The following GRM3 variants were observed in gnomAD, a reference collection of about 807,000 sequenced individuals.
GRM3 encodes glutamate metabotropic receptor 3.
GRM3 carries 26 observed loss-of-function variants against 70.5 expected under a neutral mutation model. That is an observed-to-expected ratio of 0.37 (90% CI 0.27 to 0.51). GRM3 has a LOEUF of 0.51. Ranked by LOEUF, GRM3 falls within the 20% of genes least tolerant of loss-of-function variation. GRM3 has a pLI of 0.93. For synonymous variants in GRM3, 443 were observed against 434.9 expected, an observed-to-expected ratio of 1.02 and a Z score of -0.23; for missense variants, 859 against 1,123.8, an observed-to-expected ratio of 0.76 and a Z score of 3.37.
In GRM3 at chr7:86,766,279, T is replaced by C. The variant is rs914872087; in HGVS notation, c.468+666T>C. On this transcript the variant is annotated intron_variant, in intron 2 of 5. Coordinates refer to ENST00000361669, the MANE Select transcript of GRM3 (RefSeq NM_000840.3). ...CATGGAACTCCATTATTCCCACTAA[T>C]TTTTACTAAAGCATTTTTTTGTTCA... Among the ~76,000 whole-genome samples the C allele has an allele frequency of 1.1e-4, 16 of 152,108 alleles. No homozygotes were observed. In the East Asian group the frequency reaches 2.5e-3, roughly 24 times the overall value.
At chr7:86,677,234 A>G (rs1021836345) in intron 1 of GRM3, among the ~76,000 whole-genome samples, 15 of 152,026 alleles carry the variant, frequency 9.9e-5, no homozygotes, top group Non-Finnish European at 2.2e-4. Flanking sequence ...CAAGATTCCT[A>G]GCTTAAGCAC....
At chr7:86,828,090 C>T (rs1165754180) in intron 3 of GRM3, among the ~76,000 whole-genome samples, 2 of 117,920 alleles carry the variant, frequency 1.7e-5, no homozygotes, top group Non-Finnish European at 3.2e-5. Context: ...ACAGCCTGGG[C>T]GACTGAGCAG....
chr7:86,756,324 C>T (rs1159269381), intron 1 of GRM3, among the ~76,000 whole-genome samples: 1 of 151,992 alleles, frequency 6.6e-6, no homozygotes, highest in African/African-American at 2.4e-5. Flanking sequence ...AGTGATCCAC[C>T]CACCTTGGCC....
intron 1 of GRM3, among the ~76,000 whole-genome samples, chr7:86,719,696 T>A (rs1024893515): frequency 3.9e-5 from 6 of 151,920 alleles, no homozygotes; most frequent in African/African-American, 1.4e-4. Context: ...AGACAAATAC[T>A]GAGCAACTAA....
intron 4 of GRM3, among the ~76,000 whole-genome samples, chr7:86,848,935 C>T (rs1048355472): frequency 6.6e-6 from 1 of 152,074 alleles, no homozygotes; most frequent in African/African-American, 2.4e-5. Flanking sequence ...AGCGAGGAGA[C>T]AAAAATCACA....
At chr7:86,822,089 T>G (rs371969637) in intron 3 of GRM3, among the ~76,000 whole-genome samples, 2 of 152,224 alleles carry the variant, frequency 1.3e-5, no homozygotes, top group South Asian at 4.1e-4. Flanking sequence ...AACAGCACAG[T>G]GGCACCAGAT....
chr7:86,806,219 G>A (rs924707044), intron 3 of GRM3, among the ~76,000 whole-genome samples: 4 of 152,176 alleles, frequency 2.6e-5, no homozygotes, highest in African/African-American at 9.7e-5. Flanking sequence ...ACATGTGCAT[G>A]TGTCTATATT....
intron 2 of GRM3, among the ~76,000 whole-genome samples, chr7:86,779,619 A>G (rs1293877872): frequency 6.6e-6 from 1 of 152,224 alleles, no homozygotes; most frequent in Non-Finnish European, 1.5e-5. Context: ...AGAAATCACC[A>G]TATATTTTCA....
At chr7:86,814,636 G>A (rs1354755323) in intron 3 of GRM3, among the ~76,000 whole-genome samples, 1 of 151,730 alleles carries the variant, frequency 6.6e-6, no homozygotes, top group Non-Finnish European at 1.5e-5. Flanking sequence ...CTCTAACAAA[G>A]CTGAAGAGGG....
At chr7:86,794,466 C>T (rs530182186) in intron 3 of GRM3, among the ~76,000 whole-genome samples, 1 of 152,234 alleles carries the variant, frequency 6.6e-6, no homozygotes, top group South Asian at 2.1e-4. Context: ...GTTTAGTAAG[C>T]CTTCACAGAA....
chr7:86,838,089 A>T (rs904151104), intron 3 of GRM3, among the ~76,000 whole-genome samples: 2 of 152,166 alleles, frequency 1.3e-5, no homozygotes, highest in East Asian at 3.9e-4. Flanking sequence ...AGGGTGGCCC[A>T]CTTGGCTGAG....
rs747851079 is a variant in GRM3, at chr7:86,765,618, G to C, written c.468+5G>C. 5.6e-6 allele frequency: 9 copies of C among 1,608,336 alleles called. No homozygotes were observed. Among genetic ancestry groups the C allele is most frequent in the Non-Finnish European group, 6.8e-6 (8 of 1,175,660 alleles). ...TATAGCAGTGTTTCCATACAGGTAA[G>C]ATTGGCTAATGCTATTGCTAAAAGG... is the stretch of plus-strand genomic sequence containing the variant. On this transcript the variant is annotated splice_donor_5th_base_variant and intron_variant, in intron 2 of 5. Transcript: ENST00000361669.
intron 1 of GRM3, among the ~76,000 whole-genome samples, chr7:86,649,217 C>T (rs1466136074): frequency 6.6e-6 from 1 of 152,002 alleles, no homozygotes; most frequent in African/African-American, 2.4e-5. Flanking sequence ...TGGTGAGCAC[C>T]CTCCAAATGA....
At chr7:86,766,501 G>T (rs1796604161) in intron 2 of GRM3, among the ~76,000 whole-genome samples, 1 of 151,934 alleles carries the variant, frequency 6.6e-6, no homozygotes, top group African/African-American at 2.4e-5. Flanking sequence ...TACTTATAAG[G>T]TTACTAAATT....
intron 1 of GRM3, among the ~76,000 whole-genome samples, chr7:86,699,788 A>G (rs146664467): frequency 1.6e-4 from 25 of 152,132 alleles, no homozygotes; most frequent in African/African-American, 5.3e-4. Context: ...AGAAAAAGTT[A>G]TGCGTCACCA....
At chr7:86,837,154 A>G (rs1584272658) in intron 3 of GRM3, among the ~76,000 whole-genome samples, 1 of 152,254 alleles carries the variant, frequency 6.6e-6, no homozygotes, top group Non-Finnish European at 1.5e-5. Context: ...ATAGAACTTG[A>G]TTCTGGTATG....
At chr7:86,725,719 T>C (rs753635378) in intron 1 of GRM3, among the ~76,000 whole-genome samples, 1 of 152,174 alleles carries the variant, frequency 6.6e-6, no homozygotes, top group Non-Finnish European at 1.5e-5. Context: ...GCTGCTGTAT[T>C]ACTATAGACT....
chr7:86,670,915 A>G (rs1245380834), intron 1 of GRM3, among the ~76,000 whole-genome samples: 1 of 152,204 alleles, frequency 6.6e-6, no homozygotes, highest in African/African-American at 2.4e-5. Flanking sequence ...TGTTTATATT[A>G]CGTCCAAGAC....
chr7:86,727,862 G>T (rs540471170), intron 1 of GRM3, among the ~76,000 whole-genome samples: 2 of 152,250 alleles, frequency 1.3e-5, no homozygotes, highest in East Asian at 1.9e-4. Flanking sequence ...ACACTCCTTT[G>T]TGTGTTTTCA....
Sources: allele counts gnomAD v4.1 joint callset (sites outside exome capture counted in the v4.1 genomes callset), GRCh38; gene constraint gnomAD v4.1.1; transcripts MANE v1.5; gene names NCBI Gene and HGNC (gene_info 2026-07-23, HGNC 2026-07-21).